The following PRKCA variants were observed in gnomAD, a reference collection of about 807,000 sequenced individuals.
The protein encoded by PRKCA is protein kinase C alpha type.
A neutral mutation model predicts 87.0 loss-of-function variants in PRKCA; 27 were observed. The ratio of observed to expected loss-of-function variants is 0.31; its 90% confidence interval spans 0.23 to 0.43. The LOEUF (loss-of-function observed/expected upper bound fraction) is 0.43, where lower values mean the gene tolerates loss of function less well. PRKCA is among the 20% of genes least tolerant of loss of function. The pLI is 1.00. For synonymous variants in PRKCA, 329 were observed against 311.1 expected, an observed-to-expected ratio of 1.06 and a Z score of -0.61; for missense variants, 518 against 852.3, an observed-to-expected ratio of 0.61 and a Z score of 4.88.
At chr17:66,643,617 G>T (rs1245858416) in intron 4 of PRKCA, among the ~76,000 whole-genome samples, 1 of 152,140 alleles carries the variant, frequency 6.6e-6, no homozygotes, top group Non-Finnish European at 1.5e-5. Context: ...CTGGACCAAT[G>T]CTTTTTTGTT....
intron 3 of PRKCA, among the ~76,000 whole-genome samples, chr17:66,623,521 C>T (rs1371202665): frequency 2.6e-5 from 4 of 152,080 alleles, no homozygotes; most frequent in Non-Finnish European, 5.9e-5. Context: ...AAGAGTGTGC[C>T]GTGCCTTGGG....
At chr17:66,590,486 G>A (rs1222598291) in intron 3 of PRKCA, among the ~76,000 whole-genome samples, 1 of 152,184 alleles carries the variant, frequency 6.6e-6, no homozygotes, top group African/African-American at 2.4e-5. Context: ...TATATACACA[G>A]TACTCCCAAT....
At chr17:66,346,298 C>T (rs997085450) in intron 2 of PRKCA, among the ~76,000 whole-genome samples, 6 of 151,874 alleles carry the variant, frequency 4.0e-5, no homozygotes, top group South Asian at 2.1e-4. Context: ...AGGGTTTCAC[C>T]GTGTTAGCTA....
At chr17:66,674,154 C>G (rs185814626) in intron 5 of PRKCA, among the ~76,000 whole-genome samples, 1 of 152,114 alleles carries the variant, frequency 6.6e-6, no homozygotes, top group African/African-American at 2.4e-5. Flanking sequence ...CCTGGGGATG[C>G]GAGGGGGTGT....
intron 3 of PRKCA, among the ~76,000 whole-genome samples, chr17:66,578,438 C>G (rs1969310983): frequency 6.6e-6 from 1 of 152,174 alleles, no homozygotes; most frequent in Non-Finnish European, 1.5e-5. Flanking sequence ...TTCATATTCA[C>G]CACCTGAAAA....
rs1976060103 is a variant in PRKCA, at chr17:66,807,607, A to T, written c.*3570A>T. ...GCAGGGCCACTGTCTGCCCTTTCTGATGCCACGTATTAGGCTTTCTTACTC... is the reference window on the plus strand; with the variant it reads ...GCAGGGCCACTGTCTGCCCTTTCTGTTGCCACGTATTAGGCTTTCTTACTC... On this transcript the variant is annotated 3_prime_UTR_variant, in exon 17 of 17. Transcript: ENST00000413366. This position sits in a 1 kb window ranked among gnomAD's most constrained non-coding sequence, Gnocchi z 4.3. 1 of 152,196 alleles carries T rather than the reference A, an allele frequency of 6.6e-6. No homozygotes were observed. The highest frequency in any genetic ancestry group is 6.5e-5 in the Admixed American group (1 of 15,280). The allele number at this position is 152,196 out of a possible 1,614,324, so 9.4% of individuals were successfully genotyped here.
intron 2 of PRKCA, 40 bp downstream of exon 2, chr17:66,306,167 G>A: frequency 6.4e-7 from 1 of 1,562,932 alleles, no homozygotes; most frequent in Non-Finnish European, 8.8e-7. Context: ...AGCACAACAT[G>A]AAATAAGCAT....
At chr17:66,346,362 G>A (rs1359256654) in intron 2 of PRKCA, among the ~76,000 whole-genome samples, 1 of 151,826 alleles carries the variant, frequency 6.6e-6, no homozygotes, top group Non-Finnish European at 1.5e-5. Context: ...CTCCCAAAGT[G>A]CTAAGATTAC....
At chr17:66,406,843 A>T (rs1911437160) in intron 2 of PRKCA, among the ~76,000 whole-genome samples, 1 of 151,980 alleles carries the variant, frequency 6.6e-6, no homozygotes, top group African/African-American at 2.4e-5. Context: ...CTTAGTGCAG[A>T]GTTTTACCAC....
At chr17:66,696,230 G>T (rs745533948) in intron 8 of PRKCA, among the ~76,000 whole-genome samples, 25 of 152,206 alleles carry the variant, frequency 1.6e-4, no homozygotes, top group South Asian at 4.1e-4. Flanking sequence ...AGACTTCTAG[G>T]TTCAAATCCT....
At chr17:66,462,035 T>A (rs73996210) in intron 2 of PRKCA, among the ~76,000 whole-genome samples, 2 of 151,928 alleles carry the variant, frequency 1.3e-5, no homozygotes, top group Non-Finnish European at 2.9e-5. Flanking sequence ...TGACCCTCTA[T>A]TTTCATCACT....
At position 66,548,882 on chromosome 17, in the gene PRKCA, A is replaced by G. The variant is rs138179212; in HGVS notation, c.288+52599A>G. The stretch of plus-strand genomic sequence containing the variant: ...GTAGTGGCGCAATCACAGCTCAGTC[A>G]CTGCAGCCTCCGCCTCCCGGGCTCA... On this transcript the variant is annotated intron_variant, in intron 3 of 16. Transcript: ENST00000413366. 4.6e-5 allele frequency among the ~76,000 whole-genome samples: 7 copies of G among 151,550 alleles called. No individual in the cohort carries two copies. In the East Asian group the frequency reaches 1.4e-3, roughly 30 times the overall value.
chr17:66,587,768 CGT>C (rs1969650924), intron 3 of PRKCA, among the ~76,000 whole-genome samples: 1 of 90,542 alleles, frequency 1.1e-5, no homozygotes, highest in Admixed American at 1.2e-4. Context: ...TACATATATA[CGT>C]ATATGTGTGT....
At chr17:66,693,668 T>C (rs1972839312) in intron 8 of PRKCA, among the ~76,000 whole-genome samples, 1 of 152,196 alleles carries the variant, frequency 6.6e-6, no homozygotes, top group South Asian at 2.1e-4. Flanking sequence ...TTAGAGGCAG[T>C]GCAGAGGATG....
chr17:66,731,047 G>A (rs1268102430), intron 8 of PRKCA, among the ~76,000 whole-genome samples: 2 of 152,122 alleles, frequency 1.3e-5, no homozygotes, highest in African/African-American at 2.4e-5. Context: ...TAGGGAGGGA[G>A]GTGCACCCTC....
At chr17:66,479,763 C>G (rs1915695575) in intron 2 of PRKCA, among the ~76,000 whole-genome samples, 1 of 152,082 alleles carries the variant, frequency 6.6e-6, no homozygotes, top group African/African-American at 2.4e-5. Context: ...AACAGAAAAC[C>G]AAATACTGCA....
intron 14 of PRKCA, among the ~76,000 whole-genome samples, chr17:66,780,959 A>G (rs1250886760): frequency 1.3e-5 from 2 of 151,420 alleles, no homozygotes; most frequent in African/African-American, 2.4e-5. Context: ...AATATAAAAA[A>G]TTAGCCAGGC....
At position 66,368,336 on chromosome 17, in the gene PRKCA, ATATG is replaced by A. The variant is rs1351141110; in HGVS notation, c.205+62211_205+62214del. ...TGTGTTTATCTATATGTGTGTGTATATATGTGTGTGTGTGTGTGTGTGTATATGT... is the reference window on the plus strand; with the variant it reads ...TGTGTTTATCTATATGTGTGTGTATATGTGTGTGTGTGTGTGTGTATATGT... On this transcript the variant is annotated intron_variant, in intron 2 of 16. Coordinates refer to ENST00000413366, the MANE Select transcript of PRKCA (RefSeq NM_002737.3). 7.1e-4 allele frequency among the ~76,000 whole-genome samples: 16 copies of A among 22,656 alleles called. No homozygotes were observed. The Admixed American group carries it at 9.2e-3, about 13-fold the overall frequency. 14.9% of individuals were successfully genotyped at this position (22,656 alleles called of 152,430 possible).
intron 2 of PRKCA, among the ~76,000 whole-genome samples, chr17:66,471,855 G>A (rs1046246497): frequency 6.6e-6 from 1 of 151,998 alleles, no homozygotes; most frequent in Non-Finnish European, 1.5e-5. Context: ...TTGCCTTCAG[G>A]GTCACTGTGA....
Sources: allele counts gnomAD v4.1 joint callset (sites outside exome capture counted in the v4.1 genomes callset), GRCh38; gene constraint gnomAD v4.1.1; non-coding constraint Gnocchi (gnomAD v3.1); transcripts MANE v1.5; gene names NCBI Gene and HGNC (gene_info 2026-07-23, HGNC 2026-07-21).